CCBE1: variants seen among roughly 807,000 people sequenced by gnomAD.
The protein encoded by CCBE1 is collagen and calcium binding EGF domains 1.
In CCBE1, 37 loss-of-function variants were observed where a neutral mutation model predicts 50.0. The ratio of observed to expected loss-of-function variants is 0.74; its 90% confidence interval spans 0.57 to 0.97. The LOEUF (loss-of-function observed/expected upper bound fraction) is 0.97, where lower values mean the gene tolerates loss of function less well. Ranked by LOEUF, CCBE1 falls within the 50% of genes least tolerant of loss-of-function variation. The pLI, the probability that CCBE1 is intolerant of heterozygous loss-of-function variation, is 0.00. For synonymous variants in CCBE1, 234 were observed against 203.7 expected, an observed-to-expected ratio of 1.15 and a Z score of -1.27; for missense variants, 538 against 523.8, an observed-to-expected ratio of 1.03 and a Z score of -0.26.
At chr18:59,532,265 C>T (rs546117929) in intron 2 of CCBE1, among the ~76,000 whole-genome samples, 11 of 152,220 alleles carry the variant, frequency 7.2e-5, no homozygotes, top group East Asian at 1.9e-4. Context: ...AGGCTGATCT[C>T]GAACTTCTAA....
intron 2 of CCBE1, among the ~76,000 whole-genome samples, chr18:59,500,616 T>G (rs139427525): frequency 0.015 from 2,253 of 152,266 alleles, 32 homozygotes; most frequent in Middle Eastern, 0.041. Context: ...ACCCACAGTT[T>G]GATAAAACCT....
At chr18:59,572,678 T>A (rs2052930967) in intron 2 of CCBE1, among the ~76,000 whole-genome samples, 1 of 152,208 alleles carries the variant, frequency 6.6e-6, no homozygotes, top group African/African-American at 2.4e-5. Context: ...AATAGAGATA[T>A]GTTTGCTTAA....
At chr18:59,467,591 G>C (rs959159773) in intron 4 of CCBE1, among the ~76,000 whole-genome samples, 1 of 152,192 alleles carries the variant, frequency 6.6e-6, no homozygotes, top group Non-Finnish European at 1.5e-5. Context: ...TGTTAACTAT[G>C]CACATCATGG....
intron 2 of CCBE1, among the ~76,000 whole-genome samples, chr18:59,547,047 G>GAGGGGAAC (rs1555690895): frequency 1.7e-5 from 1 of 58,474 alleles, no homozygotes; most frequent in African/African-American, 7.9e-5. Flanking sequence ...GAGAGGGGGA[G>GAGGGGAAC]AGAGGGGGAG....
chr18:59,470,085 T>C (rs572360356), intron 3 of CCBE1, among the ~76,000 whole-genome samples: 58 of 152,260 alleles, frequency 3.8e-4, no homozygotes, highest in Middle Eastern at 6.8e-3. Flanking sequence ...GCTTTGTGTA[T>C]ACATGTCTAG....
intron 2 of CCBE1, among the ~76,000 whole-genome samples, chr18:59,661,952 G>A (rs2054291777): frequency 7.1e-6 from 1 of 141,234 alleles, no homozygotes; most frequent in African/African-American, 2.8e-5. Context: ...GGGCAACAGA[G>A]TGAGACTCAG....
intron 2 of CCBE1, among the ~76,000 whole-genome samples, chr18:59,648,853 C>T (rs2054090552): frequency 6.6e-6 from 1 of 152,214 alleles, no homozygotes; most frequent in South Asian, 2.1e-4. Flanking sequence ...GTCCAGCGTC[C>T]CTTCCTCTTT....
intron 2 of CCBE1, among the ~76,000 whole-genome samples, chr18:59,487,381 T>A (rs1912873467): frequency 6.6e-6 from 1 of 152,102 alleles, no homozygotes; most frequent in Non-Finnish European, 1.5e-5. Context: ...TGAGGAATCT[T>A]TCTTTTCAAT....
At chr18:59,669,913 T>C (rs961163769) in intron 2 of CCBE1, among the ~76,000 whole-genome samples, 1 of 152,168 alleles carries the variant, frequency 6.6e-6, no homozygotes, top group Non-Finnish European at 1.5e-5. Flanking sequence ...TAGCACAGAA[T>C]AGGCACTCAA....
intron 7 of CCBE1, among the ~76,000 whole-genome samples, chr18:59,447,117 G>A (rs893986630): frequency 1.3e-5 from 2 of 152,058 alleles, no homozygotes; most frequent in African/African-American, 4.8e-5. Context: ...CAATTAATAA[G>A]GGTGAATATT....
At chr18:59,681,933 G>A (rs2054593845) in intron 2 of CCBE1, among the ~76,000 whole-genome samples, 1 of 152,222 alleles carries the variant, frequency 6.6e-6, no homozygotes, top group Non-Finnish European at 1.5e-5. Context: ...GTGAAGGTGG[G>A]AGTGGTCCCT....
chr18:59,526,714 G>A (rs1914837436), intron 2 of CCBE1, among the ~76,000 whole-genome samples: 3 of 152,112 alleles, frequency 2.0e-5, no homozygotes, highest in Admixed American at 6.5e-5. Flanking sequence ...TTGTCTGTTT[G>A]TTCTCATTGG....
chr18:59,472,119 T>C (rs1219507353), intron 3 of CCBE1, among the ~76,000 whole-genome samples: 1 of 152,226 alleles, frequency 6.6e-6, no homozygotes, highest in Non-Finnish European at 1.5e-5. Flanking sequence ...TAGCCCCTCC[T>C]CAAAGGTCTG....
chr18:59,561,444 C>CCGAGG (rs1382550657), intron 2 of CCBE1, among the ~76,000 whole-genome samples: 1 of 152,188 alleles, frequency 6.6e-6, no homozygotes, highest in Non-Finnish European at 1.5e-5. Context: ...AAGGAATAGA[C>CCGAGG]CGAGGCAGAC....
At chr18:59,688,652 C>A (rs1297149529) in intron 2 of CCBE1, among the ~76,000 whole-genome samples, 1 of 152,156 alleles carries the variant, frequency 6.6e-6, no homozygotes, top group Admixed American at 6.5e-5. Flanking sequence ...TCAATCAACT[C>A]CTTGCAATAA....
At chr18:59,592,066 A>G (rs1305335591) in intron 2 of CCBE1, among the ~76,000 whole-genome samples, 1 of 152,082 alleles carries the variant, frequency 6.6e-6, no homozygotes, top group African/African-American at 2.4e-5. Context: ...ATTACCAACA[A>G]CATTATATGA....
At chr18:59,613,976 C>A (rs139908265) in intron 2 of CCBE1, among the ~76,000 whole-genome samples, 31 of 146,712 alleles carry the variant, frequency 2.1e-4, no homozygotes, top group African/African-American at 7.5e-4. Context: ...CTGGTCCATG[C>A]GATTCTCGTT....
chr18:59,609,535 C>T (rs1347719931), intron 2 of CCBE1, among the ~76,000 whole-genome samples: 1 of 152,212 alleles, frequency 6.6e-6, no homozygotes, highest in African/African-American at 2.4e-5. Context: ...CACATCTGGT[C>T]AGCCAAGTAC....
intron 2 of CCBE1, chr18:59,688,063 C>A (rs2054680947): frequency 6.6e-6 from 1 of 152,168 alleles, no homozygotes; most frequent in African/African-American, 2.4e-5. Flanking sequence ...AAAGTTATAA[C>A]TGATTCCGAA....
Sources: gnomAD v4.1 joint callset for allele counts (sites outside exome capture counted in the v4.1 genomes callset) on GRCh38, gnomAD v4.1.1 for gene constraint, MANE v1.5 for transcripts, NCBI Gene and HGNC (gene_info 2026-07-23, HGNC 2026-07-21) for gene names.